SEC23B: variants seen among roughly 807,000 people sequenced by gnomAD.
SEC23B encodes SEC23 homolog B, COPII component.
A neutral mutation model predicts 104.3 loss-of-function variants in SEC23B; 77 were observed. The ratio of observed to expected loss-of-function variants is 0.74; its 90% CI spans 0.61 to 0.89. The LOEUF is 0.89. SEC23B is among the 40% of genes least tolerant of loss of function. The pLI, the probability that SEC23B is intolerant of heterozygous loss-of-function variation, is 0.00. For missense variants in SEC23B, 885 were observed against 949.4 expected (o/e 0.93, Z 0.89); for synonymous variants, 338 against 332.5 (o/e 1.02, Z -0.18).
intron 9 of SEC23B, among the ~76,000 whole-genome samples, chr20:18,529,125 A>G (rs1302638158): frequency 6.6e-6 from 1 of 152,218 alleles, no homozygotes; most frequent in African/African-American, 2.4e-5. Context: ...CATGTGAGGA[A>G]TGATTGAAGT....
At chr20:18,554,450 T>C in intron 18 of SEC23B, 60 bp downstream of exon 18, 2 of 1,560,444 alleles carry the variant, frequency 1.3e-6, no homozygotes, top group Non-Finnish European at 1.8e-6. Flanking sequence ...TTGTTATTGC[T>C]ATACATCTAA....
intron 9 of SEC23B, among the ~76,000 whole-genome samples, chr20:18,528,509 A>C (rs2060153872): frequency 6.6e-6 from 1 of 152,226 alleles, no homozygotes. Context: ...TTGCATGCAC[A>C]GAAGTTTGAG....
At chr20:18,525,655 T>C (rs2060127261) in intron 6 of SEC23B, 133 bp from the exon 7 acceptor site, 4 of 936,170 alleles carry the variant, frequency 4.3e-6, no homozygotes, top group Non-Finnish European at 6.7e-6. Flanking sequence ...AGAGATAGCT[T>C]TGAAGAAAAA....
chr20:18,543,114 C>G lies in SEC23B; in HGVS notation c.1607C>G (p.Ala536Gly), dbSNP rs535355543. ...VLMARLGVFR[A>G]ESEEGPDVLR... The stretch of plus-strand genomic sequence containing the variant: ...ATGGCACGGCTTGGGGTGTTCCGAG[C>G]GGAGTCAGAGGAGGGGCCCGATGTG... The change falls in exon 14 of 20, where the codon GCG (alanine) becomes GGG (glycine). Residue 536 changes from alanine (A) to glycine (G), a missense_variant. By Grantham distance (60) the Ala-to-Gly change is moderately conservative (BLOSUM62 0). Coordinates refer to ENST00000650089, the MANE Select transcript of SEC23B (RefSeq NM_006363.6). 37 of 1,613,992 alleles carry G rather than the reference C, an allele frequency of 2.3e-5. No individual in the cohort carries two copies. The highest frequency in any genetic ancestry group is 3.3e-4 in the Middle Eastern group (2 of 6,082).
chr20:18,551,675 C>T (rs1475220932), intron 17 of SEC23B, among the ~76,000 whole-genome samples: 3 of 152,076 alleles, frequency 2.0e-5, no homozygotes, highest in African/African-American at 7.2e-5. Context: ...GATCACACCA[C>T]TGCATTCCAG....
rs1429933092 is a variant in SEC23B, at chr20:18,560,769, GT to G, written c.*30del. 6.7e-7 allele frequency: 1 copy of G among 1,493,122 alleles called. No homozygotes were observed. The highest frequency in any genetic ancestry group is 2.3e-5 in the East Asian group (1 of 44,292). The allele number at this position is 1,493,122 out of a possible 1,614,324, so 92.5% of individuals were successfully genotyped here. ...GAGGATACAACCAGGAAATGCAACG[GT>G]GTCAGATTGTGTTCAAAATGTCTAG... On this transcript the variant is annotated 3_prime_UTR_variant, in exon 20 of 20. Coordinates refer to ENST00000650089, the MANE Select transcript of SEC23B (RefSeq NM_006363.6).
chr20:18,538,712 CT>C (rs1343048980), intron 12 of SEC23B, among the ~76,000 whole-genome samples: 10 of 152,180 alleles, frequency 6.6e-5, no homozygotes, highest in African/African-American at 2.4e-4. Flanking sequence ...TTTGCTGCTG[CT>C]TTATCAACTA....
chr20:18,548,883 A>C, intron 16 of SEC23B, 113 bp downstream of exon 16: 1 of 1,022,128 alleles, frequency 9.8e-7, no homozygotes, highest in East Asian at 2.6e-5. Context: ...TGGAGTTTTT[A>C]TAGTAATTTA....
At chr20:18,553,164 G>A (rs2060404573) in intron 17 of SEC23B, among the ~76,000 whole-genome samples, 7 of 152,260 alleles carry the variant, frequency 4.6e-5, no homozygotes, top group Admixed American at 4.6e-4. Context: ...TAAGGATAAA[G>A]ACAGTGACAT....
chr20:18,559,554 T>G (rs2060473876), intron 19 of SEC23B, among the ~76,000 whole-genome samples: 1 of 152,116 alleles, frequency 6.6e-6, no homozygotes, highest in Admixed American at 6.5e-5. Context: ...CTGGTTCAGG[T>G]GGGTCAGGGC....
intron 3 of SEC23B, among the ~76,000 whole-genome samples, chr20:18,512,571 C>G (rs2059990945): frequency 6.6e-6 from 1 of 152,114 alleles, no homozygotes; most frequent in Non-Finnish European, 1.5e-5. Context: ...AAAGAAAGCA[C>G]CTGTTTTTCA....
At chr20:18,513,342 C>CAAA (rs1245148138) in intron 3 of SEC23B, among the ~76,000 whole-genome samples, 1 of 112,566 alleles carries the variant, frequency 8.9e-6, no homozygotes. Flanking sequence ...GCAAGAGTGT[C>CAAA]AAAAAAAAAA....
chr20:18,559,086 G>GT (rs1460979595), intron 19 of SEC23B, among the ~76,000 whole-genome samples: 1 of 150,220 alleles, frequency 6.7e-6, no homozygotes, highest in Non-Finnish European at 1.5e-5. Flanking sequence ...TTGGTGGGGG[G>GT]GGTGTCGGGG....
At chr20:18,523,696 G>A (rs1239367310) in intron 4 of SEC23B, among the ~76,000 whole-genome samples, 6 of 150,542 alleles carry the variant, frequency 4.0e-5, no homozygotes, top group East Asian at 2.0e-4. Flanking sequence ...CACTGTGCCC[G>A]GCCCTCTTTT....
intron 14 of SEC23B, 141 bp downstream of exon 14, chr20:18,543,313 T>C (rs1188481632): frequency 1.9e-6 from 2 of 1,058,942 alleles, no homozygotes; most frequent in Admixed American, 3.9e-5. Context: ...CTGGACATTC[T>C]GTTAAAGACG....
chr20:18,511,768 A>G (rs2059984072), intron 2 of SEC23B, among the ~76,000 whole-genome samples: 1 of 152,234 alleles, frequency 6.6e-6, no homozygotes, highest in Admixed American at 6.5e-5. Context: ...GTGCTTGCCC[A>G]ACTTTTCTTA....
rs1390802262 is a variant in SEC23B, at chr20:18,543,154, C to T, written c.1647C>T (p.Asp549=). The T allele has an allele frequency of 1.2e-6, 2 of 1,614,006 alleles. No individual in the cohort carries two copies. The highest frequency in any genetic ancestry group is 1.7e-6 in the Non-Finnish European group (2 of 1,180,028). The change falls in exon 14 of 20, where the codon GAC becomes GAT. Residue 549 remains aspartate, a synonymous_variant. Coordinates refer to ENST00000650089, the MANE Select transcript of SEC23B (RefSeq NM_006363.6). ...EEGPDVLRWL[D]RQLIRLCQKF... is the part of the protein sequence containing the mutation. Reference sequence around the variant, plus strand: ...GGCCCGATGTGCTCCGGTGGCTGGACCGACAACTCATCCGACTGGTAAATT... The same window carrying T: ...GGCCCGATGTGCTCCGGTGGCTGGATCGACAACTCATCCGACTGGTAAATT...
chr20:18,528,666 G>A (rs957782287), intron 9 of SEC23B, among the ~76,000 whole-genome samples: 2 of 152,196 alleles, frequency 1.3e-5, no homozygotes, highest in African/African-American at 4.8e-5. Context: ...GATGAGTTAG[G>A]TGATAGAATT....
chr20:18,533,624 T>C (rs756252922), intron 11 of SEC23B, among the ~76,000 whole-genome samples: 3 of 152,232 alleles, frequency 2.0e-5, no homozygotes, highest in Non-Finnish European at 2.9e-5. Context: ...ACTGGAAGTG[T>C]GGGTCTTCTT....
Sources: gnomAD v4.1 joint callset for allele counts (sites outside exome capture counted in the v4.1 genomes callset) on GRCh38, gnomAD v4.1.1 for gene constraint, MANE v1.5 for transcripts, NCBI Gene and HGNC (gene_info 2026-07-23, HGNC 2026-07-21) for gene names.